PLCB1: variants seen among roughly 807,000 people sequenced by gnomAD.
PLCB1 encodes phospholipase C beta 1.
In PLCB1, 46 loss-of-function variants were observed where a neutral mutation model predicts 161.8. The ratio of observed to expected loss-of-function variants is 0.28; its 90% CI spans 0.22 to 0.36. The LOEUF is 0.36. Ranked by LOEUF, PLCB1 falls within the 10% of genes least tolerant of loss-of-function variation. The probability of loss-of-function intolerance (pLI) is 1.00; values close to 1 mark genes in which losing one functional copy is unlikely to be tolerated. For missense variants in PLCB1, 1,016 were observed against 1,472.5 expected (o/e 0.69, Z 5.07); for synonymous variants, 517 against 503.7 (o/e 1.03, Z -0.35).
intron 2 of PLCB1, among the ~76,000 whole-genome samples, chr20:8,243,128 T>C (rs947045011): frequency 2.6e-5 from 4 of 151,880 alleles, no homozygotes; most frequent in African/African-American, 9.7e-5. Context: ...TTAAAAAATA[T>C]CACGACCTAA....
intron 2 of PLCB1, among the ~76,000 whole-genome samples, chr20:8,226,778 T>A: frequency 6.6e-6 from 1 of 151,278 alleles, no homozygotes; most frequent in East Asian, 2.0e-4. Flanking sequence ...ACCTCCACCC[T>A]CTGAGTTCCA....
At chr20:8,829,206 C>T (rs1038304213) in intron 31 of PLCB1, among the ~76,000 whole-genome samples, 2 of 152,108 alleles carry the variant, frequency 1.3e-5, no homozygotes, top group African/African-American at 4.8e-5. Context: ...AATTCCTCAG[C>T]ATTAGCCACA....
At chr20:8,458,326 A>C (rs1463112711) in intron 3 of PLCB1, among the ~76,000 whole-genome samples, 1 of 152,126 alleles carries the variant, frequency 6.6e-6, no homozygotes, top group African/African-American at 2.4e-5. Context: ...TGTATATTTC[A>C]TCTCTCATGA....
intron 2 of PLCB1, among the ~76,000 whole-genome samples, chr20:8,198,123 A>G (rs2423353): frequency 0.99 from 150,867 of 152,254 alleles, 74,748 homozygotes; most frequent in East Asian, 1. Context: ...TTTTGGCTTA[A>G]GATTGACTTG....
At chr20:8,650,316 G>A (rs1600226154) in intron 7 of PLCB1, among the ~76,000 whole-genome samples, 1 of 152,256 alleles carries the variant, frequency 6.6e-6, no homozygotes, top group East Asian at 1.9e-4. Context: ...GTCCATGTCA[G>A]TTTACCATTG....
intron 4 of PLCB1, among the ~76,000 whole-genome samples, chr20:8,629,807 CT>C (rs1191620061): frequency 3.7e-5 from 3 of 81,736 alleles, no homozygotes; most frequent in Non-Finnish European, 5.4e-5. Context: ...TCTTTTCTTT[CT>C]TTTCTTTCTT....
intron 3 of PLCB1, among the ~76,000 whole-genome samples, chr20:8,576,498 A>G (rs1224020744): frequency 6.6e-6 from 1 of 152,252 alleles, no homozygotes; most frequent in Admixed American, 6.5e-5. Flanking sequence ...ACATATTTCC[A>G]TACAATCATT....
chr20:8,642,546 C>T (rs1906945192), intron 4 of PLCB1, among the ~76,000 whole-genome samples: 1 of 152,062 alleles, frequency 6.6e-6, no homozygotes, highest in African/African-American at 2.4e-5. Context: ...ATCAGAATGA[C>T]ACCATTATCA....
intron 2 of PLCB1, among the ~76,000 whole-genome samples, chr20:8,275,913 C>CT (rs879561643): frequency 3.1e-4 from 45 of 145,816 alleles, no homozygotes; most frequent in East Asian, 4.0e-4. Flanking sequence ...ATATTTTTTC[C>CT]TTTTTTTTTT....
chr20:8,782,152 G>A (rs913078960), intron 27 of PLCB1, among the ~76,000 whole-genome samples: 3 of 152,160 alleles, frequency 2.0e-5, no homozygotes, highest in African/African-American at 7.2e-5. Context: ...TTTTATAGGT[G>A]TGAAAGAATA....
intron 2 of PLCB1, among the ~76,000 whole-genome samples, chr20:8,262,259 T>A (rs77900688): frequency 6.7e-6 from 1 of 149,492 alleles, no homozygotes; most frequent in South Asian, 2.1e-4. Flanking sequence ...TTTTTTTTTT[T>A]ATTGTATTTT....
intron 3 of PLCB1, among the ~76,000 whole-genome samples, chr20:8,466,420 A>G (rs1040400535): frequency 8.6e-5 from 13 of 151,744 alleles, no homozygotes; most frequent in African/African-American, 2.9e-4. Flanking sequence ...ACATGTATAC[A>G]TATGTAACTA....
At chr20:8,163,042 GT>G (rs1291851100) in intron 2 of PLCB1, among the ~76,000 whole-genome samples, 1 of 152,208 alleles carries the variant, frequency 6.6e-6, no homozygotes, top group Non-Finnish European at 1.5e-5. Flanking sequence ...GGTTTCTGGT[GT>G]TTGTAGGTTG....
intron 3 of PLCB1, among the ~76,000 whole-genome samples, chr20:8,436,929 AC>A (rs1980338596): frequency 6.6e-6 from 1 of 152,158 alleles, no homozygotes. Context: ...AGCTGAGATC[AC>A]AGGCGTGTGC....
intron 6 of PLCB1, among the ~76,000 whole-genome samples, chr20:8,648,680 C>T (rs531348662): frequency 6.6e-6 from 1 of 152,274 alleles, no homozygotes; most frequent in Admixed American, 6.5e-5. Flanking sequence ...TGGCTCATGC[C>T]TGTAATCCCA....
rs532345684 is a variant in PLCB1, at chr20:8,602,131, G to A, written c.247-26163G>A. Among the ~76,000 whole-genome samples the A allele has an allele frequency of 2.7e-3, 412 of 152,136 alleles. 1 individual carries two copies. The highest frequency in any genetic ancestry group is 5.2e-3 in the Non-Finnish European group (351 of 68,008). On this transcript the variant is annotated intron_variant, in intron 3 of 31. Coordinates refer to ENST00000338037, the MANE Select transcript of PLCB1 (RefSeq NM_015192.4). The stretch of plus-strand genomic sequence containing the variant: ...TCTCATGAGACTAGTTTGAAAAGCT[G>A]AACCTATGAGACAAAGTATAATTTT...
At chr20:8,701,611 G>T (rs1030308993) in intron 11 of PLCB1, among the ~76,000 whole-genome samples, 4 of 152,102 alleles carry the variant, frequency 2.6e-5, no homozygotes, top group African/African-American at 9.7e-5. Context: ...TATGTTCCTT[G>T]TTTATTGTCC....
In PLCB1 at chr20:8,844,071, C is replaced by T. The variant is rs143066117; in HGVS notation, c.3424-37551C>T. On this transcript the variant is annotated intron_variant, in intron 31 of 31. Coordinates refer to ENST00000338037, the MANE Select transcript of PLCB1 (RefSeq NM_015192.4). The stretch of plus-strand genomic sequence containing the variant: ...AACATGCCATACACTTAAGGCAAAA[C>T]TCACTGTTAGCTGTGAGAAAGTAAA... Among the ~76,000 whole-genome samples the T allele has an allele frequency of 3.9e-5, 6 of 152,332 alleles. No individual in the cohort carries two copies. The East Asian group carries it at 7.7e-4, about 20-fold the overall frequency.
At position 8,476,131 on chromosome 20, in the gene PLCB1, TC is replaced by T. The variant is rs370315398; in HGVS notation, c.246+104682del. Among the ~76,000 whole-genome samples the T allele has an allele frequency of 8.5e-4, 130 of 152,288 alleles. 1 individual carries two copies. Among genetic ancestry groups the T allele is most frequent in the African/African-American group, 2.9e-3 (119 of 41,556 alleles). ...TCTTGGCCCCCACGGCTACTGGTGG[TC>T]ACTTTTGCAAGAATGTTTCCTGGGA... On this transcript the variant is annotated intron_variant, in intron 3 of 31. Transcript: ENST00000338037.
Sources: allele counts gnomAD v4.1 joint callset (sites outside exome capture counted in the v4.1 genomes callset), GRCh38; gene constraint gnomAD v4.1.1; transcripts MANE v1.5; gene names NCBI Gene and HGNC (gene_info 2026-07-23, HGNC 2026-07-21).